The following PHLDB2 variants were observed in gnomAD, a reference collection of about 807,000 sequenced individuals.
The protein encoded by PHLDB2 is pleckstrin homology-like domain family B member 2.
In PHLDB2, 71 loss-of-function variants were observed where a neutral mutation model predicts 123.6. That is an observed-to-expected ratio of 0.57 (90% CI 0.47 to 0.70). The LOEUF (loss-of-function observed/expected upper bound fraction) is 0.70. PHLDB2 is among the 30% of genes least tolerant of loss of function. PHLDB2 has a pLI of 0.00. For missense variants in PHLDB2, 1,446 were observed against 1,519.5 expected, an observed-to-expected ratio of 0.95 and a Z score of 0.80; for synonymous variants, 547 against 541.6, an observed-to-expected ratio of 1.01 and a Z score of -0.14.
At chr3:111,897,534 A>C (rs2066946081) in intron 2 of PHLDB2, among the ~76,000 whole-genome samples, 2 of 152,326 alleles carry the variant, frequency 1.3e-5, no homozygotes, top group Non-Finnish European at 1.5e-5. Context: ...GCAGGTTGAA[A>C]ATTTTTGGTT....
chr3:111,813,879 G>C (rs557624209), intron 1 of PHLDB2, among the ~76,000 whole-genome samples: 2 of 152,288 alleles, frequency 1.3e-5, no homozygotes, highest in East Asian at 1.9e-4. Flanking sequence ...CACTAAAGAA[G>C]GCCTGTTTCA....
rs148298740 is a variant in PHLDB2, at chr3:111,893,163, A to G, written c.1335+7751A>G. 4.7e-3 allele frequency among the ~76,000 whole-genome samples: 712 copies of G among 151,452 alleles called. 6 individuals are homozygous for G. Among genetic ancestry groups the G allele is most frequent in the African/African-American group, 0.017 (682 of 41,282 alleles). ...TGAGCCATATTATAAGTTTGACAATATTTTTTGTTTGAATAGCAGAATGGA... is the reference window on the plus strand; with the variant it reads ...TGAGCCATATTATAAGTTTGACAATGTTTTTTGTTTGAATAGCAGAATGGA... On this transcript the variant is annotated intron_variant, in intron 2 of 17. Coordinates refer to ENST00000431670, the MANE Select transcript of PHLDB2 (RefSeq NM_001134438.2).
At position 111,944,102 on chromosome 3, in the gene PHLDB2, GAC is replaced by G. The variant is rs2107611012; in HGVS notation, c.2398-1162_2398-1161del. ...CTGTAACATGGAGTGAAAGAGGGCT[GAC>G]ACAAAAGAATGCATATTGTATGATT... On this transcript the variant is annotated intron_variant, in intron 8 of 17. Coordinates refer to ENST00000431670, the MANE Select transcript of PHLDB2 (RefSeq NM_001134438.2). Among the ~76,000 whole-genome samples, 3 of 152,312 alleles carry G rather than the reference GAC, an allele frequency of 2.0e-5. No individual in the cohort carries two copies. The South Asian group carries it at 6.2e-4, about 32-fold the overall frequency.
chr3:111,739,598 A>AC (rs2059567423), intron 1 of PHLDB2, among the ~76,000 whole-genome samples: 7 of 73,156 alleles, frequency 9.6e-5, no homozygotes, highest in Admixed American at 4.4e-4. Flanking sequence ...CAAAACAAAC[A>AC]AAAAAAAAAA....
At chr3:111,905,047 CGG>C (rs1035433288) in intron 2 of PHLDB2, among the ~76,000 whole-genome samples, 2 of 152,112 alleles carry the variant, frequency 1.3e-5, no homozygotes, top group African/African-American at 4.8e-5. Flanking sequence ...TGCATGAGAG[CGG>C]GCCCTCTAAT....
intron 1 of PHLDB2, among the ~76,000 whole-genome samples, chr3:111,801,143 T>G (rs890356179): frequency 6.6e-6 from 1 of 152,192 alleles, no homozygotes; most frequent in African/African-American, 2.4e-5. Flanking sequence ...CCTTCAGAAC[T>G]GGCCACATAA....
chr3:111,922,110 T>C (rs2068549426), intron 5 of PHLDB2, among the ~76,000 whole-genome samples: 1 of 152,218 alleles, frequency 6.6e-6, no homozygotes, highest in Non-Finnish European at 1.5e-5. Flanking sequence ...AATTAAGTAA[T>C]AGTAGAGTAG....
chr3:111,735,328 C>T (rs143223081), intron 1 of PHLDB2, among the ~76,000 whole-genome samples: 1 of 152,170 alleles, frequency 6.6e-6, no homozygotes, highest in East Asian at 1.9e-4. Context: ...TTTTTGGTGT[C>T]ATTTGAGCAG....
intron 1 of PHLDB2, among the ~76,000 whole-genome samples, chr3:111,755,377 TG>T (rs2059867013): frequency 6.9e-6 from 1 of 145,480 alleles, no homozygotes; most frequent in Non-Finnish European, 1.5e-5. Flanking sequence ...GGTTTAGTCT[TG>T]GGAGGGTGTA....
chr3:111,856,967 G>T (rs1338451003), upstream of PHLDB2, among the ~76,000 whole-genome samples: 1 of 152,202 alleles, frequency 6.6e-6, no homozygotes, highest in Non-Finnish European at 1.5e-5. Flanking sequence ...AGAGTGGTCA[G>T]AGCAGGCCTG....
intron 12 of PHLDB2, among the ~76,000 whole-genome samples, chr3:111,959,979 A>T (rs555149127): frequency 6.6e-6 from 1 of 152,244 alleles, no homozygotes. Flanking sequence ...TTTGTTTTTC[A>T]TACTACAAGG....
At chr3:111,758,095 T>C (rs1308398019) in intron 1 of PHLDB2, among the ~76,000 whole-genome samples, 1 of 152,094 alleles carries the variant, frequency 6.6e-6, no homozygotes, top group Non-Finnish European at 1.5e-5. Flanking sequence ...TTCTCAGATC[T>C]CCAGCTGCGT....
chr3:111,904,879 C>T (rs2067422929), intron 2 of PHLDB2, among the ~76,000 whole-genome samples: 1 of 152,162 alleles, frequency 6.6e-6, no homozygotes, highest in African/African-American at 2.4e-5. Context: ...TACTTTGTCC[C>T]AGACACCCTT....
intron 1 of PHLDB2, among the ~76,000 whole-genome samples, chr3:111,798,421 C>T (rs2061251549): frequency 1.3e-5 from 2 of 152,126 alleles, no homozygotes; most frequent in Admixed American, 1.3e-4. Context: ...TCTAGGCTTC[C>T]TTGTGTTTAC....
chr3:111,802,724 C>CTTGCTGT (rs2061422698), intron 1 of PHLDB2, among the ~76,000 whole-genome samples: 1 of 152,186 alleles, frequency 6.6e-6, no homozygotes, highest in Admixed American at 6.5e-5. Flanking sequence ...CAGAGTGAGG[C>CTTGCTGT]AAGCATCATG....
intron 1 of PHLDB2, among the ~76,000 whole-genome samples, chr3:111,809,942 T>A (rs2061755734): frequency 6.6e-6 from 1 of 152,212 alleles, no homozygotes; most frequent in Non-Finnish European, 1.5e-5. Flanking sequence ...TTCTCCCTCC[T>A]CAGCCTCCCA....
At chr3:111,913,276 T>C (rs766289609) in intron 2 of PHLDB2, 43 bp from the exon 3 acceptor site, 2 of 1,531,740 alleles carry the variant, frequency 1.3e-6, no homozygotes, top group Non-Finnish European at 8.8e-7. Flanking sequence ...GTAGTATTCA[T>C]TCTCACAAAC....
rs565196830 is a variant in PHLDB2, at chr3:111,872,467, C to T, written c.-14-11597C>T. On this transcript the variant is annotated intron_variant, in intron 1 of 17. Coordinates refer to ENST00000431670, the MANE Select transcript of PHLDB2 (RefSeq NM_001134438.2). Reference sequence around the variant, plus strand: ...TCAATGCCTCTTGTGTGCTCTCCCTCACCTCTCACCTTCCTAACTCTGCTT... The same window carrying T: ...TCAATGCCTCTTGTGTGCTCTCCCTTACCTCTCACCTTCCTAACTCTGCTT... 7.9e-5 allele frequency among the ~76,000 whole-genome samples: 12 copies of T among 152,308 alleles called. No homozygotes were observed. In the South Asian group the frequency reaches 1.5e-3, roughly 18 times the overall value.
chr3:111,770,712 T>G (rs903461354), intron 1 of PHLDB2, among the ~76,000 whole-genome samples: 10 of 152,286 alleles, frequency 6.6e-5, no homozygotes, highest in South Asian at 2.1e-4. Flanking sequence ...TATTACACAG[T>G]TCCCACCTCA....
Sources: allele counts gnomAD v4.1 joint callset (sites outside exome capture counted in the v4.1 genomes callset), GRCh38; gene constraint gnomAD v4.1.1; transcripts MANE v1.5; gene names NCBI Gene and HGNC (gene_info 2026-07-23, HGNC 2026-07-21).